DOCK1: variants seen among roughly 807,000 people sequenced by gnomAD.
The protein encoded by DOCK1 is dedicator of cytokinesis protein 1.
Under a neutral mutation model 262.7 loss-of-function variants are expected in DOCK1, and 138 were observed. The ratio of observed to expected loss-of-function variants is 0.53; its 90% confidence interval spans 0.46 to 0.61. DOCK1 has a LOEUF of 0.61. DOCK1 is among the 20% of genes least tolerant of loss of function. The probability of loss-of-function intolerance (pLI) is 0.00; values close to 1 mark genes in which losing one functional copy is unlikely to be tolerated. For missense variants in DOCK1, 1,908 were observed against 2,370.7 expected, an observed-to-expected ratio of 0.80 and a Z score of 4.05; for synonymous variants, 866 against 867.4, an observed-to-expected ratio of 1.00 and a Z score of 0.03.
chr10:127,226,813 G>C (rs2058660278), intron 27 of DOCK1, among the ~76,000 whole-genome samples: 1 of 152,024 alleles, frequency 6.6e-6, no homozygotes, highest in Non-Finnish European at 1.5e-5. Context: ...TCGCCATTGT[G>C]ATTACACAAT....
At chr10:127,027,387 A>C (rs1214120859) in intron 16 of DOCK1, among the ~76,000 whole-genome samples, 2 of 152,170 alleles carry the variant, frequency 1.3e-5, no homozygotes, top group African/African-American at 4.8e-5. Flanking sequence ...TGAGCCCCGG[A>C]GTTTGAGACC....
At chr10:127,432,344 C>G (rs928285734) in intron 47 of DOCK1, among the ~76,000 whole-genome samples, 1 of 151,594 alleles carries the variant, frequency 6.6e-6, no homozygotes, top group Non-Finnish European at 1.5e-5. Context: ...TGTAATCTAC[C>G]GCTTCTGGCC....
chr10:127,252,704 T>A (rs7923259), intron 28 of DOCK1, among the ~76,000 whole-genome samples: 1 of 148,100 alleles, frequency 6.8e-6, no homozygotes, highest in African/African-American at 2.5e-5. Flanking sequence ...TGTAGATATG[T>A]GGTGTTATTT....
intron 35 of DOCK1, 127 bp from the exon 36 acceptor site, chr10:127,379,955 T>C: frequency 1.5e-6 from 1 of 684,080 alleles, no homozygotes; most frequent in Admixed American, 2.8e-5. Context: ...TTTATGGTTC[T>C]GATCCAAAGA....
intron 1 of DOCK1, among the ~76,000 whole-genome samples, chr10:126,953,961 C>T (rs2036534828): frequency 6.6e-6 from 1 of 152,080 alleles, no homozygotes; most frequent in Admixed American, 6.6e-5. Context: ...TCCGAGTGGT[C>T]CTGTGTGTTG....
intron 51 of DOCK1, 107 bp downstream of exon 51, chr10:127,447,652 T>A: frequency 6.8e-7 from 1 of 1,476,208 alleles, no homozygotes; most frequent in South Asian, 1.4e-5. Flanking sequence ...AGTGAGCACA[T>A]GAGGAAAACC....
rs2134895563 is a variant in DOCK1, at chr10:127,452,118, G to A, written c.*691G>A. ...AGTGTTCGTTCTTTTCTGAAAAAGA[G>A]TATGTGTACCACAAGAGCTGGTTTT... On this transcript the variant is annotated 3_prime_UTR_variant, in exon 52 of 52. Coordinates refer to ENST00000623213, the MANE Select transcript of DOCK1 (RefSeq NM_001290223.2). 1 of 152,808 alleles carries A rather than the reference G, an allele frequency of 6.5e-6. No individual in the cohort carries two copies. The highest frequency in any genetic ancestry group is 6.5e-5 in the Admixed American group (1 of 15,304). 9.5% of individuals were successfully genotyped at this position (152,808 alleles called of 1,614,324 possible). A position where few individuals can be genotyped will look rare whatever the true frequency, so the allele number is the denominator to read the frequency against.
chr10:127,338,973 G>T, intron 29 of DOCK1, 33 bp from the exon 30 acceptor site: 1 of 1,540,330 alleles, frequency 6.5e-7, no homozygotes, highest in Non-Finnish European at 8.8e-7. Context: ...GAGCGTAAGT[G>T]TGTAATTATG....
intron 29 of DOCK1, among the ~76,000 whole-genome samples, chr10:127,284,617 T>A (rs2135309212): frequency 6.6e-6 from 1 of 152,330 alleles, no homozygotes; most frequent in South Asian, 2.1e-4. Context: ...CCAAGCACAG[T>A]GGCTCATGCC....
chr10:127,360,317 G>A (rs1254632461), intron 32 of DOCK1, among the ~76,000 whole-genome samples: 1 of 152,076 alleles, frequency 6.6e-6, no homozygotes, highest in Non-Finnish European at 1.5e-5. Context: ...CAGGATATGG[G>A]GTCCCCGGCT....
chr10:126,998,372 C>G (rs1591586734), intron 8 of DOCK1, 123 bp downstream of exon 8: 1 of 1,339,928 alleles, frequency 7.5e-7, no homozygotes, highest in East Asian at 2.3e-5. Flanking sequence ...TGGACACGAG[C>G]AAGCAGCCGA....
intron 3 of DOCK1, among the ~76,000 whole-genome samples, chr10:126,980,326 G>T (rs1221170780): frequency 6.6e-6 from 1 of 151,934 alleles, no homozygotes; most frequent in Non-Finnish European, 1.5e-5. Context: ...CAAGTAGCTG[G>T]GACTACAGGT....
intron 38 of DOCK1, among the ~76,000 whole-genome samples, chr10:127,386,275 A>G (rs1369818096): frequency 6.6e-6 from 1 of 152,074 alleles, no homozygotes; most frequent in Non-Finnish European, 1.5e-5. Context: ...GGAAATAAGG[A>G]TTGGAAATGT....
intron 33 of DOCK1, among the ~76,000 whole-genome samples, chr10:127,366,810 C>T (rs978781016): frequency 6.6e-6 from 1 of 152,190 alleles, no homozygotes; most frequent in African/African-American, 2.4e-5. Flanking sequence ...AGCCCAGTTA[C>T]CTCACCTTAT....
chr10:127,070,200 CTG>C (rs964795265), intron 23 of DOCK1, among the ~76,000 whole-genome samples: 67 of 149,092 alleles, frequency 4.5e-4, no homozygotes, highest in African/African-American at 1.6e-3. Flanking sequence ...TGAAAAAAGA[CTG>C]TTTCCAAAAC....
intron 28 of DOCK1, among the ~76,000 whole-genome samples, chr10:127,254,995 AG>A (rs1293738121): frequency 6.6e-6 from 1 of 152,224 alleles, no homozygotes; most frequent in Non-Finnish European, 1.5e-5. Flanking sequence ...GGGTGGGCAC[AG>A]GGATGGAAAG....
intron 22 of DOCK1, among the ~76,000 whole-genome samples, chr10:127,057,992 G>GT (rs1160312983): frequency 5.3e-5 from 8 of 152,124 alleles, no homozygotes; most frequent in African/African-American, 1.7e-4. Context: ...TTTTTTCTCA[G>GT]TTTTTTATCC....
intron 27 of DOCK1, among the ~76,000 whole-genome samples, chr10:127,165,855 C>T (rs1409670480): frequency 6.6e-6 from 1 of 152,202 alleles, no homozygotes; most frequent in Non-Finnish European, 1.5e-5. Flanking sequence ...ACAGATCCTT[C>T]CCAATACACT....
Position 127,370,118 on chromosome 10 carries a change from C to T in DOCK1, c.3433-3663C>T, listed in dbSNP as rs76896737. Among the ~76,000 whole-genome samples the T allele has an allele frequency of 4.2e-3, 640 of 152,270 alleles. 2 individuals carry two copies. Among genetic ancestry groups the T allele is most frequent in the Non-Finnish European group, 6.8e-3 (460 of 68,014 alleles). ...TGGTTGCGCAGTTTCATCAGATTGGCCCCGACCCAGGGAGAGAAGGCAGAG... is the reference window on the plus strand; with the variant it reads ...TGGTTGCGCAGTTTCATCAGATTGGTCCCGACCCAGGGAGAGAAGGCAGAG... On this transcript the variant is annotated intron_variant, in intron 33 of 51. Transcript: ENST00000623213.
Sources: allele counts gnomAD v4.1 joint callset (sites outside exome capture counted in the v4.1 genomes callset), GRCh38; gene constraint gnomAD v4.1.1; transcripts MANE v1.5; gene names NCBI Gene and HGNC (gene_info 2026-07-23, HGNC 2026-07-21).